Variants in COL10A1 observed in about 807,000 individuals in gnomAD.
The protein encoded by COL10A1 is collagen alpha-1(X) chain.
A neutral mutation model predicts 18.2 loss-of-function variants in COL10A1; 10 were observed. That is an observed-to-expected ratio of 0.55 (90% confidence interval 0.34 to 0.93). The LOEUF (loss-of-function observed/expected upper bound fraction) is 0.93, where lower values mean the gene tolerates loss of function less well. Among genes scored for constraint, COL10A1 ranks in the 40% least tolerant of loss-of-function variants. The probability of loss-of-function intolerance (pLI) is 0.02; values close to 1 mark genes in which losing one functional copy is unlikely to be tolerated. For missense variants in COL10A1, 897 were observed against 853.5 expected (o/e 1.05, Z -0.64); for synonymous variants, 330 against 316.6 (o/e 1.04, Z -0.45).
At chr6:116,126,652 G>T (rs1377505652), upstream of COL10A1, among the ~76,000 whole-genome samples, 3 of 151,890 alleles carry the variant, frequency 2.0e-5, no homozygotes, top group Admixed American at 2.0e-4. Context: ...AGGCTTTTAG[G>T]ATTTAGATCC....
the COL10A1 span, among the ~76,000 whole-genome samples, chr6:116,184,459 G>T: frequency 9.2e-5 from 14 of 152,062 alleles, no homozygotes; most frequent in Non-Finnish European, 1.6e-4. Flanking sequence ...GTGTCAATTG[G>T]ATTGGTACCA....
chr6:116,123,262 A>T (rs1389494411), intron 2 of COL10A1, among the ~76,000 whole-genome samples: 1 of 152,156 alleles, frequency 6.6e-6, no homozygotes, highest in African/African-American at 2.4e-5. Flanking sequence ...AACTCCAGTG[A>T]CAGGGCGAAC....
intron 1 of COL10A1, among the ~76,000 whole-genome samples, chr6:116,156,826 C>CGTCA (rs1473203499): frequency 2.0e-5 from 3 of 150,646 alleles, no homozygotes; most frequent in African/African-American, 7.4e-5. Context: ...TTGTGCTTCA[C>CGTCA]GTCCTCTCCC....
the COL10A1 span, among the ~76,000 whole-genome samples, chr6:116,176,356 C>G: frequency 6.6e-6 from 1 of 152,162 alleles, no homozygotes; most frequent in East Asian, 1.9e-4. Flanking sequence ...ATGTGGTTTG[C>G]TTCTGTTGGG....
chr6:116,138,862 T>C (rs1366261159), intron 1 of COL10A1, among the ~76,000 whole-genome samples: 1 of 152,172 alleles, frequency 6.6e-6, no homozygotes, highest in African/African-American at 2.4e-5. Context: ...AGATAGTGAA[T>C]ATTTTTTCAG....
the COL10A1 span, among the ~76,000 whole-genome samples, chr6:116,200,445 G>A: frequency 5.3e-5 from 8 of 152,002 alleles, no homozygotes; most frequent in South Asian, 2.1e-4. Flanking sequence ...TGTGACAAAT[G>A]TACCATAATA....
intron 1 of COL10A1, among the ~76,000 whole-genome samples, chr6:116,131,587 C>G (rs1480296553): frequency 6.6e-6 from 1 of 152,106 alleles, no homozygotes; most frequent in East Asian, 1.9e-4. Flanking sequence ...TCATGGTACT[C>G]CATTGTATAG....
At position 116,121,103 on chromosome 6, in the gene COL10A1, CCAGT is replaced by C; in HGVS notation, c.1009_1012del (p.Thr337AspfsTer143). 1 of 1,613,822 alleles carries C rather than the reference CCAGT, an allele frequency of 6.2e-7. No homozygotes were observed. ...TTGGGGTCCCATATTCCCAGGGGGT[CCAGT>C]CAGACCTGGCTTCCCAGGAAGACCT... On this transcript the variant is annotated frameshift_variant, in exon 3 of 3. Transcript: ENST00000651968. LOFTEE classifies it high-confidence loss of function.
chr6:116,177,712 A>AAAC, the COL10A1 span, among the ~76,000 whole-genome samples: 1 of 152,176 alleles, frequency 6.6e-6, no homozygotes, highest in Non-Finnish European at 1.5e-5. Flanking sequence ...CTTAAAGTTT[A>AAAC]TTACTAAATA....
chr6:116,190,731 C>T, the COL10A1 span, among the ~76,000 whole-genome samples: 1 of 152,036 alleles, frequency 6.6e-6, no homozygotes, highest in Non-Finnish European at 1.5e-5. Flanking sequence ...TTCTTGACAA[C>T]TGAACTGTGA....
At chr6:116,149,772 T>G (rs552132120) in intron 1 of COL10A1, among the ~76,000 whole-genome samples, 1 of 152,314 alleles carries the variant, frequency 6.6e-6, no homozygotes, top group South Asian at 2.1e-4. Context: ...GTGAAAGAGT[T>G]ATGAAATCAG....
the COL10A1 span, among the ~76,000 whole-genome samples, chr6:116,198,662 A>T: frequency 6.6e-6 from 1 of 151,884 alleles, no homozygotes; most frequent in Admixed American, 6.6e-5. Flanking sequence ...CAGGAGTTCA[A>T]AGTTACCTAT....
chr6:116,146,674 T>G (rs1208556629), intron 1 of COL10A1, among the ~76,000 whole-genome samples: 1 of 152,210 alleles, frequency 6.6e-6, no homozygotes, highest in African/African-American at 2.4e-5. Flanking sequence ...TTTCTTAAAC[T>G]TAAGTATGCT....
chr6:116,138,087 AAAAG>A (rs886886930), intron 1 of COL10A1, among the ~76,000 whole-genome samples: 2 of 152,192 alleles, frequency 1.3e-5, no homozygotes, highest in Admixed American at 6.5e-5. Flanking sequence ...AAAAAAAAAG[AAAAG>A]AAAGAAAATG....
chr6:116,140,582 AT>A (rs1441017507), intron 1 of COL10A1, among the ~76,000 whole-genome samples: 1 of 152,146 alleles, frequency 6.6e-6, no homozygotes, highest in Non-Finnish European at 1.5e-5. Context: ...CCCCTATGCC[AT>A]CTCCCTGATG....
chr6:116,152,800 A>C (rs1407854540), intron 1 of COL10A1, among the ~76,000 whole-genome samples: 12 of 152,008 alleles, frequency 7.9e-5, no homozygotes, highest in Non-Finnish European at 1.8e-4. Context: ...ATTTTTCTTG[A>C]TAAGGTCAAC....
chr6:116,156,152 C>G (rs2114412216), intron 1 of COL10A1, among the ~76,000 whole-genome samples: 1 of 152,232 alleles, frequency 6.6e-6, no homozygotes, highest in African/African-American at 2.4e-5. Flanking sequence ...GTCTCCTGTT[C>G]CCCATCATCT....
At chr6:116,147,128 C>T (rs1779918653) in intron 1 of COL10A1, among the ~76,000 whole-genome samples, 1 of 151,218 alleles carries the variant, frequency 6.6e-6, no homozygotes, top group Non-Finnish European at 1.5e-5. Flanking sequence ...AAGAAAAATA[C>T]AAGTAAAGTT....
upstream of COL10A1, among the ~76,000 whole-genome samples, chr6:116,130,279 A>G (rs2145357): frequency 0.27 from 41,081 of 151,900 alleles, 6,021 homozygotes; most frequent in Middle Eastern, 0.35. Flanking sequence ...TAGTGAGGAA[A>G]GTGTGTGTGT....
Sources: allele counts gnomAD v4.1 joint callset (sites outside exome capture counted in the v4.1 genomes callset), GRCh38; gene constraint gnomAD v4.1.1; transcripts MANE v1.5; gene names NCBI Gene and HGNC (gene_info 2026-07-23, HGNC 2026-07-21).